NAV1: variants seen among roughly 807,000 people sequenced by gnomAD.
NAV1 encodes neuron navigator 1.
A neutral mutation model predicts 175.2 loss-of-function variants in NAV1; 18 were observed. The observed-to-expected ratio is 0.10, with a 90% confidence interval of 0.07 to 0.15. The LOEUF is 0.15. Among genes scored for constraint, NAV1 ranks in the 10% least tolerant of loss-of-function variants. The probability of loss-of-function intolerance (pLI) is 1.00; values close to 1 mark genes in which losing one functional copy is unlikely to be tolerated. For synonymous variants in NAV1, 897 were observed against 978.7 expected, an observed-to-expected ratio of 0.92 and a Z score of 1.56; for missense variants, 1,731 against 2,436.6, an observed-to-expected ratio of 0.71 and a Z score of 6.10.
At chr1:201,629,438 C>T in exon 2 of NAV1, 2 of 1,304,172 alleles carry the variant, frequency 1.5e-6, no homozygotes, top group South Asian at 1.2e-5. Context: ...CCCCCTCTCC[C>T]AGGGCAGCTG....
At chr1:201,690,571 T>C (rs1260935333) in intron 1 of NAV1, among the ~76,000 whole-genome samples, 1 of 148,932 alleles carries the variant, frequency 6.7e-6, no homozygotes, top group Non-Finnish European at 1.5e-5. Context: ...CTCCATGGCC[T>C]GTCTGTGGCA....
intron 2 of NAV1, among the ~76,000 whole-genome samples, chr1:201,611,330 C>T (rs1054411770): frequency 7.2e-5 from 11 of 152,190 alleles, no homozygotes; most frequent in African/African-American, 2.4e-4. Flanking sequence ...TTTTACTATG[C>T]GCTCCCCACC....
At chr1:201,748,016 T>A (rs1673880678) in intron 3 of NAV1, among the ~76,000 whole-genome samples, 1 of 152,190 alleles carries the variant, frequency 6.6e-6, no homozygotes, top group Non-Finnish European at 1.5e-5. Flanking sequence ...TCTAGGCTAG[T>A]GTTGAGCTGA....
At chr1:201,767,499 T>C (rs1447062170) in intron 3 of NAV1, among the ~76,000 whole-genome samples, 1 of 152,150 alleles carries the variant, frequency 6.6e-6, no homozygotes, top group Non-Finnish European at 1.5e-5. Context: ...AAATTAATTG[T>C]AATATGTCTT....
At chr1:201,591,474 C>A (rs1667192120) in intron 2 of NAV1, among the ~76,000 whole-genome samples, 1 of 152,178 alleles carries the variant, frequency 6.6e-6, no homozygotes, top group Non-Finnish European at 1.5e-5. Flanking sequence ...GTGCTCCCAG[C>A]CAGGTATTGT....
At chr1:201,602,069 C>T (rs1337315139) in intron 2 of NAV1, among the ~76,000 whole-genome samples, 1 of 151,920 alleles carries the variant, frequency 6.6e-6, no homozygotes, top group Non-Finnish European at 1.5e-5. Context: ...AATGGTTTTT[C>T]AAAAGTCCAC....
At chr1:201,709,588 G>A (rs532205188) in intron 1 of NAV1, among the ~76,000 whole-genome samples, 2 of 151,904 alleles carry the variant, frequency 1.3e-5, no homozygotes, top group East Asian at 1.9e-4. Flanking sequence ...CTTACCAGGG[G>A]CCCCAACCCT....
At chr1:201,554,311 T>G (rs1386361334) in intron 1 of NAV1, among the ~76,000 whole-genome samples, 1 of 152,060 alleles carries the variant, frequency 6.6e-6, no homozygotes, top group Non-Finnish European at 1.5e-5. Flanking sequence ...AGAAGTGACA[T>G]GATGAAGCTG....
At chr1:201,604,217 G>C (rs1260313153) in intron 2 of NAV1, among the ~76,000 whole-genome samples, 1 of 152,172 alleles carries the variant, frequency 6.6e-6, no homozygotes, top group Admixed American at 6.5e-5. Flanking sequence ...ACCACGCCTA[G>C]CTAATTTTTA....
rs148910516 is a variant in NAV1 at position 201,782,570 on chromosome 1, C to T, written c.2058C>T (p.Gly686=). ...AGTCAAGTTCTATGAGCGTGACCGGCGGGCGGGGTGGACCTCGCCCTGTGA... is the reference window on the plus strand; with the variant it reads ...AGTCAAGTTCTATGAGCGTGACCGGTGGGCGGGGTGGACCTCGCCCTGTGA... Residue 686 remains glycine (G), a synonymous_variant, in exon 6 of 30, where the codon GGC becomes GGT. Transcript: ENST00000367296. The surrounding 1 kb of genome is among the most constrained non-coding windows in gnomAD (Gnocchi z 5.4). The T allele has an allele frequency of 3.2e-5, 51 of 1,611,674 alleles. No individual in the cohort carries two copies. The highest frequency in any genetic ancestry group is 2.7e-4 in the Admixed American group (16 of 59,954).
At chr1:201,678,878 G>C (rs561459096) in intron 1 of NAV1, among the ~76,000 whole-genome samples, 1 of 152,180 alleles carries the variant, frequency 6.6e-6, no homozygotes, top group Non-Finnish European at 1.5e-5. Context: ...CAGAGAGCCC[G>C]TGAGGCATCC....
intron 3 of NAV1, among the ~76,000 whole-genome samples, chr1:201,749,376 T>C (rs1394220835): frequency 6.6e-6 from 1 of 152,222 alleles, no homozygotes; most frequent in African/African-American, 2.4e-5. Context: ...TCTTCAGCCT[T>C]GTGAATTTCA....
In NAV1 at chr1:201,718,788, G is replaced by T. The variant is rs867597897; in HGVS notation, c.1226+33G>T. The T allele has an allele frequency of 1.9e-6, 3 of 1,571,900 alleles. No individual in the cohort carries two copies. The Middle Eastern group carries it at 5.5e-4, about 289-fold the overall frequency. ...CAGGGGCTTCTTGGATGGCGGGGGA[G>T]GATGGTGGAAAGACCACTGGGATGC... On this transcript the variant is annotated intron_variant, in intron 3 of 29. Coordinates refer to ENST00000367296, the Ensembl canonical transcript of NAV1. This position sits in a 1 kb window ranked among gnomAD's most constrained non-coding sequence, Gnocchi z 4.8.
chr1:201,586,689 A>G lies in NAV1; in HGVS notation c.-143-1850A>G, dbSNP rs76554984. On this transcript the variant is annotated intron_variant, in intron 1 of 33. Transcript: ENST00000685211. Reference sequence around the variant, plus strand: ...AGCAGGGAGAGAAGGAGAGAGGGAGAGGGGGAGAGAGAGAGATCTTTGGTA... The same window carrying G: ...AGCAGGGAGAGAAGGAGAGAGGGAGGGGGGGAGAGAGAGAGATCTTTGGTA... Among the ~76,000 whole-genome samples, 992 of 152,040 alleles carry G rather than the reference A, an allele frequency of 6.5e-3. 43 individuals are homozygous for G. The highest frequency in any genetic ancestry group is 0.054 in the Admixed American group (821 of 15,266).
At chr1:201,815,799 C>T (rs1002880119) in intron 28 of NAV1, among the ~76,000 whole-genome samples, 3 of 152,050 alleles carry the variant, frequency 2.0e-5, no homozygotes, top group Admixed American at 6.5e-5. Context: ...AGTGCAATGG[C>T]GGGATCTTGG....
intron 28 of NAV1, 119 bp from the exon 33 acceptor site, chr1:201,816,969 T>C (rs1184450823): frequency 7.0e-6 from 6 of 853,700 alleles, no homozygotes; most frequent in Non-Finnish European, 1.1e-5. Flanking sequence ...CCACTGCGCC[T>C]GGCCAGGAAG....
At chr1:201,794,080 A>G (rs12028333) in intron 14 of NAV1, 21,963 of 698,774 alleles carry the variant, frequency 0.031, 688 homozygotes, top group South Asian at 0.095. Context: ...CAAGTTTTGC[A>G]GAATTCCAAT....
chr1:201,602,988 C>G (rs1057185564), intron 2 of NAV1, among the ~76,000 whole-genome samples: 1 of 152,116 alleles, frequency 6.6e-6, no homozygotes, highest in East Asian at 1.9e-4. Flanking sequence ...GGCGAGAGCT[C>G]GGGAAGGAGT....
intron 2 of NAV1, among the ~76,000 whole-genome samples, chr1:201,599,432 T>A (rs549737702): frequency 6.6e-6 from 1 of 152,174 alleles, no homozygotes; most frequent in Non-Finnish European, 1.5e-5. Context: ...CATCCCTTTT[T>A]CCCAGATGCA....
Sources: allele counts gnomAD v4.1 joint callset (sites outside exome capture counted in the v4.1 genomes callset), GRCh38; gene constraint gnomAD v4.1.1; non-coding constraint Gnocchi (gnomAD v3.1); transcripts MANE v1.5; gene names NCBI Gene and HGNC (gene_info 2026-07-23, HGNC 2026-07-21).